Variants in MAPK8 observed in about 807,000 individuals in gnomAD.
The protein encoded by MAPK8 is mitogen-activated protein kinase 8.
In MAPK8, 13 loss-of-function variants were observed where a neutral mutation model predicts 52.9. That is an observed-to-expected ratio of 0.25 (90% CI 0.16 to 0.39). The LOEUF is 0.39. MAPK8 is among the 10% of genes least tolerant of loss of function. MAPK8 has a pLI of 1.00. For missense variants in MAPK8, 300 were observed against 519.2 expected (o/e 0.58, Z 4.10); for synonymous variants, 191 against 169.8 (o/e 1.12, Z -0.97).
At position 48,374,307 on chromosome 10, in the gene MAPK8, G is replaced by A. The variant is rs74210688; in HGVS notation, c.-49-27305G>A. ...GAGAAAGCAGGAAAGATCCAAAATCGACACCCTAACATCACAATTAAAAGA... is the reference window on the plus strand; with the variant it reads ...GAGAAAGCAGGAAAGATCCAAAATCAACACCCTAACATCACAATTAAAAGA... On this transcript the variant is annotated intron_variant, in intron 1 of 11. Coordinates refer to ENST00000374189, the MANE Select transcript of MAPK8 (RefSeq NM_001323329.2). 7.7e-4 allele frequency among the ~76,000 whole-genome samples: 117 copies of A among 152,086 alleles called. 1 individual carries two copies. The East Asian group carries it at 0.017, about 22-fold the overall frequency.
chr10:48,405,786 A>T (rs1251193563), intron 3 of MAPK8, among the ~76,000 whole-genome samples: 1 of 152,218 alleles, frequency 6.6e-6, no homozygotes, highest in Non-Finnish European at 1.5e-5. Flanking sequence ...TATATAATAT[A>T]ATGAGCACAG....
intron 5 of MAPK8, 56 bp from the exon 6 acceptor site, chr10:48,420,099 C>G: frequency 7.6e-7 from 1 of 1,315,614 alleles, no homozygotes; most frequent in Non-Finnish European, 1.1e-6. Context: ...TTATTGTGAA[C>G]TGTAGGATTT....
At chr10:48,354,371 T>A (rs1337703956) in intron 1 of MAPK8, among the ~76,000 whole-genome samples, 1 of 152,204 alleles carries the variant, frequency 6.6e-6, no homozygotes, top group Non-Finnish European at 1.5e-5. Flanking sequence ...GGTCTTTCTT[T>A]CTGGGATGAT....
At position 48,437,212 on chromosome 10, in the gene MAPK8, C is replaced by A. The variant is rs951581060; in HGVS notation, c.*2183C>A. The A allele has an allele frequency of 6.6e-6, 1 of 152,172 alleles. No individual in the cohort carries two copies. Among genetic ancestry groups the A allele is most frequent in the Admixed American group, 6.5e-5 (1 of 15,278 alleles). 9.4% of individuals were successfully genotyped at this position (152,172 alleles called of 1,614,324 possible). ...AACTAAAATACTTAACAAATTATATCCTAAAAACAAGGTCTCTTTGTTAAA... is the reference window on the plus strand; with the variant it reads ...AACTAAAATACTTAACAAATTATATACTAAAAACAAGGTCTCTTTGTTAAA... On this transcript the variant is annotated 3_prime_UTR_variant, in exon 12 of 12. Transcript: ENST00000374189.
chr10:48,394,150 C>A (rs570524824), intron 1 of MAPK8, among the ~76,000 whole-genome samples: 293 of 151,914 alleles, frequency 1.9e-3, no homozygotes, highest in African/African-American at 6.6e-3. Flanking sequence ...AAAACATTCC[C>A]TCAAAAAGAA....
chr10:48,326,616 A>T (rs1843547882), intron 1 of MAPK8, among the ~76,000 whole-genome samples: 1 of 152,194 alleles, frequency 6.6e-6, no homozygotes. Flanking sequence ...TATTAGAAAT[A>T]TCTGTATATC....
intron 1 of MAPK8, among the ~76,000 whole-genome samples, chr10:48,382,941 T>TATAC (rs2041098613): frequency 2.6e-5 from 1 of 37,824 alleles, no homozygotes; most frequent in Middle Eastern, 0.036. Context: ...TAGCTATGTG[T>TATAC]ATATATATAT....
chr10:48,406,506 G>A (rs970332698), intron 3 of MAPK8, among the ~76,000 whole-genome samples: 1 of 152,234 alleles, frequency 6.6e-6, no homozygotes, highest in Admixed American at 6.5e-5. Flanking sequence ...TCTAGCAGGG[G>A]TGGCAGAGGT....
intron 1 of MAPK8, among the ~76,000 whole-genome samples, chr10:48,345,001 A>T (rs1031212268): frequency 3.3e-5 from 5 of 152,328 alleles, no homozygotes; most frequent in South Asian, 4.1e-4. Flanking sequence ...AAAGTTTTTT[A>T]AAAAAATCCG....
intron 1 of MAPK8, among the ~76,000 whole-genome samples, chr10:48,391,537 A>C (rs1700624672): frequency 6.6e-6 from 1 of 152,184 alleles, no homozygotes; most frequent in African/African-American, 2.4e-5. Flanking sequence ...GGAAAAACTC[A>C]AAGTGCTTTT....
intron 3 of MAPK8, among the ~76,000 whole-genome samples, chr10:48,408,942 C>T (rs2042603699): frequency 6.6e-6 from 1 of 152,170 alleles, no homozygotes; most frequent in Non-Finnish European, 1.5e-5. Context: ...AAAAATTGCT[C>T]TTTTCGTCTT....
intron 1 of MAPK8, among the ~76,000 whole-genome samples, chr10:48,358,228 G>A (rs771300001): frequency 4.6e-5 from 7 of 152,090 alleles, no homozygotes; most frequent in African/African-American, 7.2e-5. Flanking sequence ...TACTTTTTGA[G>A]GTACCCAGCA....
intron 1 of MAPK8, among the ~76,000 whole-genome samples, chr10:48,338,547 C>T (rs1844921776): frequency 6.6e-6 from 1 of 152,078 alleles, no homozygotes; most frequent in African/African-American, 2.4e-5. Flanking sequence ...TCTCACCATT[C>T]CTTTTCAACA....
intron 1 of MAPK8, among the ~76,000 whole-genome samples, chr10:48,351,625 A>T (rs1008070872): frequency 6.6e-6 from 1 of 152,184 alleles, no homozygotes; most frequent in African/African-American, 2.4e-5. Flanking sequence ...ATAGGTAAAG[A>T]AAAACCAATT....
intron 5 of MAPK8, among the ~76,000 whole-genome samples, chr10:48,413,645 C>T (rs1422449187): frequency 1.3e-5 from 2 of 151,542 alleles, no homozygotes; most frequent in Non-Finnish European, 2.9e-5. Context: ...CACTGCCTCT[C>T]ATCAAATTCT....
chr10:48,392,266 TC>T (rs2041665995), intron 1 of MAPK8, among the ~76,000 whole-genome samples: 1 of 152,134 alleles, frequency 6.6e-6, no homozygotes, highest in Non-Finnish European at 1.5e-5. Flanking sequence ...AAGATTAGAC[TC>T]TTGCCTTGAG....
chr10:48,365,547 G>T (rs1978997), intron 1 of MAPK8, among the ~76,000 whole-genome samples: 1 of 151,844 alleles, frequency 6.6e-6, no homozygotes, highest in Non-Finnish European at 1.5e-5. Context: ...TACTATTACC[G>T]CATTTACACA....
At chr10:48,385,168 A>T (rs1268767979) in intron 1 of MAPK8, among the ~76,000 whole-genome samples, 3 of 152,184 alleles carry the variant, frequency 2.0e-5, no homozygotes, top group Non-Finnish European at 4.4e-5. Context: ...TGGCTTCAAG[A>T]GGTAATTATT....
intron 1 of MAPK8, among the ~76,000 whole-genome samples, chr10:48,342,112 TTCA>T (rs1845346287): frequency 6.6e-6 from 1 of 152,206 alleles, no homozygotes; most frequent in African/African-American, 2.4e-5. Flanking sequence ...TATTCATTCA[TTCA>T]TTTATTTATT....
Sources: allele counts gnomAD v4.1 joint callset (sites outside exome capture counted in the v4.1 genomes callset), GRCh38; gene constraint gnomAD v4.1.1; transcripts MANE v1.5; gene names NCBI Gene and HGNC (gene_info 2026-07-23, HGNC 2026-07-21).